UTRN: variants seen among roughly 807,000 people sequenced by gnomAD.
The protein encoded by UTRN is utrophin.
A neutral mutation model predicts 463.9 loss-of-function variants in UTRN; 283 were observed. That is an observed-to-expected ratio of 0.61 (90% CI 0.55 to 0.67). The LOEUF (loss-of-function observed/expected upper bound fraction) is 0.67. Ranked by LOEUF, UTRN falls within the 30% of genes least tolerant of loss-of-function variation. The pLI is 0.00. For missense variants in UTRN, 3,922 were observed against 4,084.3 expected, an observed-to-expected ratio of 0.96 and a Z score of 1.08; for synonymous variants, 1,442 against 1,431.5, an observed-to-expected ratio of 1.01 and a Z score of -0.17.
intron 53 of UTRN, among the ~76,000 whole-genome samples, chr6:144,706,444 C>T (rs559099383): frequency 2.4e-4 from 36 of 151,942 alleles, no homozygotes; most frequent in Non-Finnish European, 4.6e-4. Flanking sequence ...TTCATCCCTC[C>T]TTCCCTCTCT....
intron 51 of UTRN, among the ~76,000 whole-genome samples, chr6:144,589,467 T>C (rs981035510): frequency 6.6e-6 from 1 of 152,206 alleles, no homozygotes; most frequent in Non-Finnish European, 1.5e-5. Flanking sequence ...GTTGCTCAGC[T>C]AGTATGCGGT....
At chr6:144,523,305 G>A (rs907844282) in intron 41 of UTRN, 117 bp downstream of exon 41, 2 of 835,708 alleles carry the variant, frequency 2.4e-6, no homozygotes, top group Non-Finnish European at 3.3e-6. Flanking sequence ...CTTGTAGGAT[G>A]CCCTATTATT....
chr6:144,292,462 G>A (rs1804328221), intron 2 of UTRN, among the ~76,000 whole-genome samples: 1 of 152,100 alleles, frequency 6.6e-6, no homozygotes, highest in East Asian at 1.9e-4. Context: ...TTAAATTGGG[G>A]TCCTCAGGAT....
chr6:144,778,793 G>T lies in UTRN; in HGVS notation c.8633-3129G>T, dbSNP rs181089929. Among the ~76,000 whole-genome samples the T allele has an allele frequency of 1.2e-3, 178 of 147,552 alleles. 1 individual carries two copies. Among genetic ancestry groups the T allele is most frequent in the African/African-American group, 4.3e-3 (168 of 39,214 alleles). On this transcript the variant is annotated intron_variant, in intron 60 of 74. Coordinates refer to ENST00000367545, the MANE Select transcript of UTRN (RefSeq NM_007124.3). ...CCTTGTATGTGGGATTAAAGAAAAA[G>T]TCAGAAAGTTGGATAGAAAATGATT...
intron 51 of UTRN, among the ~76,000 whole-genome samples, chr6:144,657,614 A>G (rs545258528): frequency 1.3e-5 from 2 of 152,272 alleles, no homozygotes; most frequent in East Asian, 3.9e-4. Flanking sequence ...TGGATACAAG[A>G]TATGTGGGAC....
chr6:144,696,616 T>A (rs1784028342), intron 52 of UTRN, among the ~76,000 whole-genome samples: 1 of 152,148 alleles, frequency 6.6e-6, no homozygotes, highest in African/African-American at 2.4e-5. Flanking sequence ...TAAAGGTATT[T>A]TCTTTCATTA....
chr6:144,332,983 G>C (rs780299525), intron 2 of UTRN, among the ~76,000 whole-genome samples: 10 of 150,718 alleles, frequency 6.6e-5, no homozygotes, highest in Non-Finnish European at 1.5e-4. Context: ...ACTCAGGCTG[G>C]AGTGCAGTGG....
chr6:144,433,336 C>A (rs1479995482), intron 9 of UTRN, among the ~76,000 whole-genome samples: 1 of 150,506 alleles, frequency 6.6e-6, no homozygotes, highest in African/African-American at 2.5e-5. Context: ...ACCTCCCTCC[C>A]GGACGGGGCG....
intron 21 of UTRN, among the ~76,000 whole-genome samples, chr6:144,460,159 G>A (rs1368819113): frequency 1.3e-5 from 2 of 152,076 alleles, no homozygotes; most frequent in African/African-American, 2.4e-5. Context: ...TCTTTTAAAA[G>A]AAATCATATT....
chr6:144,482,719 A>G (rs4584002), intron 27 of UTRN, among the ~76,000 whole-genome samples: 60,179 of 151,846 alleles, frequency 0.4, 15,693 homozygotes, highest in African/African-American at 0.75. Flanking sequence ...TGTAGGGCCT[A>G]TTCCAGTCCA....
At chr6:144,531,774 A>G (rs1797081218) in intron 42 of UTRN, among the ~76,000 whole-genome samples, 1 of 152,164 alleles carries the variant, frequency 6.6e-6, no homozygotes, top group Non-Finnish European at 1.5e-5. Context: ...CTCTTTTATT[A>G]AGTTTTTTAA....
At chr6:144,789,306 A>C (rs550264794) in intron 62 of UTRN, 27 bp downstream of exon 62, 2 of 1,496,996 alleles carry the variant, frequency 1.3e-6, no homozygotes, top group African/African-American at 1.4e-5. Flanking sequence ...TTATACCAAC[A>C]GTGTTTTTAG....
chr6:144,317,423 G>A (rs1376273232), intron 2 of UTRN, among the ~76,000 whole-genome samples: 1 of 151,814 alleles, frequency 6.6e-6, no homozygotes, highest in East Asian at 1.9e-4. Flanking sequence ...TATTTTTTTT[G>A]AGATGGAGTC....
chr6:144,453,661 G>T, intron 18 of UTRN, 121 bp from the exon 19 acceptor site: 3 of 770,276 alleles, frequency 3.9e-6, no homozygotes, highest in South Asian at 2.5e-5. Context: ...GATTACGTTT[G>T]AATTTACCTT....
intron 34 of UTRN, among the ~76,000 whole-genome samples, chr6:144,501,462 G>A (rs982040951): frequency 1.3e-5 from 2 of 151,742 alleles, no homozygotes; most frequent in Non-Finnish European, 1.5e-5. Context: ...ATTTTTTTGA[G>A]CACATTTCGA....
At chr6:144,582,005 G>C (rs1033152978) in intron 51 of UTRN, among the ~76,000 whole-genome samples, 51 of 152,202 alleles carry the variant, frequency 3.4e-4, no homozygotes, top group African/African-American at 1.1e-3. Flanking sequence ...GAGGGAGGCA[G>C]TGTAGATTCT....
intron 41 of UTRN, among the ~76,000 whole-genome samples, chr6:144,528,759 C>A (rs1211638746): frequency 6.6e-6 from 1 of 152,182 alleles, no homozygotes; most frequent in Non-Finnish European, 1.5e-5. Flanking sequence ...GTTAAGTTCG[C>A]TGGTTTTCTG....
intron 27 of UTRN, among the ~76,000 whole-genome samples, chr6:144,483,941 T>A (rs1792153336): frequency 6.6e-6 from 1 of 152,204 alleles, no homozygotes; most frequent in Admixed American, 6.5e-5. Context: ...TACTGCTCCT[T>A]GATCTGGTAA....
At chr6:144,798,110 A>T in intron 64 of UTRN, 120 bp downstream of exon 64, 1 of 1,299,742 alleles carries the variant, frequency 7.7e-7, no homozygotes, top group Non-Finnish European at 1.1e-6. Context: ...AATAAATGGT[A>T]TGTTCAGTAT....
Sources: allele counts gnomAD v4.1 joint callset (sites outside exome capture counted in the v4.1 genomes callset), GRCh38; gene constraint gnomAD v4.1.1; transcripts MANE v1.5; gene names NCBI Gene and HGNC (gene_info 2026-07-23, HGNC 2026-07-21).